PCDHGB2: variants seen among roughly 807,000 people sequenced by gnomAD.
The protein encoded by PCDHGB2 is protocadherin gamma subfamily B, 2, also known as protocadherin gamma-B2.
A neutral mutation model predicts 59.3 loss-of-function variants in PCDHGB2; 55 were observed. The observed-to-expected ratio is 0.93, with a 90% CI of 0.75 to 1.16. The LOEUF is 1.16. PCDHGB2 is among the 50% of genes most tolerant of loss of function. The probability of loss-of-function intolerance (pLI) is 0.00; values close to 1 mark genes in which losing one functional copy is unlikely to be tolerated. For synonymous variants in PCDHGB2, 516 were observed against 512.0 expected (o/e 1.01, Z -0.11); for missense variants, 1,228 against 1,198.5 (o/e 1.02, Z -0.36).
rs1761541281 is a variant in PCDHGB2 at position 141,360,332 on chromosome 5, T to C, written c.197T>C (p.Leu66Pro). The C allele has an allele frequency of 1.2e-6, 2 of 1,613,966 alleles. No homozygotes were observed. The highest frequency in any genetic ancestry group is 1.7e-6 in the Non-Finnish European group (2 of 1,179,882). The part of the protein sequence containing the change: ...LSVRDLPARK[L>P]RVSAEKEYFT... The stretch of plus-strand genomic sequence containing the variant: ...GTCCGGGACTTGCCAGCCCGGAAGC[T>C]GCGGGTTAGCGCGGAGAAGGAATAT... The change falls in exon 1 of 4, where the codon CTG becomes CCG. Residue 66 changes from leucine (L) to proline (P), a missense_variant. Physicochemically the swap from Leu to Pro is moderately conservative, Grantham distance 98. This residue lies in a region of PCDHGB2 where 781 missense variants were observed against 721.6 expected (regional missense o/e 1.08). Coordinates refer to ENST00000522605, the MANE Select transcript of PCDHGB2 (RefSeq NM_018923.3).
chr5:141,421,297 C>T (rs143092131), intron 1 of PCDHGB2: 106 of 1,613,512 alleles, frequency 6.6e-5, no homozygotes, highest in Non-Finnish European at 8.5e-5. Flanking sequence ...CCTGGGGACG[C>T]TGCGGGGGTT....
chr5:141,360,843 C>A lies in PCDHGB2; in HGVS notation c.708C>A (p.Asn236Lys). The A allele has an allele frequency of 6.2e-7, 1 of 1,613,956 alleles. No individual in the cohort carries two copies. The highest frequency in any genetic ancestry group is 8.5e-7 in the Non-Finnish European group (1 of 1,179,898). Residue 236 changes from asparagine to lysine, a missense_variant, in exon 1 of 4, where the codon AAC (asparagine) becomes AAA (lysine). Around this residue, in one of 3 missense-constraint regions of PCDHGB2, gnomAD observed 781 missense variants for 721.6 expected, o/e 1.08. Coordinates refer to ENST00000522605, the MANE Select transcript of PCDHGB2 (RefSeq NM_018923.3). ...TQIRIKVTDA[N>K]DNPPVFSQDV... ...TCCGAATCAAAGTCACGGATGCCAA[C>A]GATAACCCTCCAGTGTTCAGCCAGG... is the stretch of plus-strand genomic sequence containing the variant.
chr5:141,422,546 G>T, intron 1 of PCDHGB2: 2 of 1,613,972 alleles, frequency 1.2e-6, no homozygotes, highest in South Asian at 2.2e-5. Flanking sequence ...ACTCATGTCT[G>T]GCTGAATGTG....
Position 141,448,649 on chromosome 5 carries a change from T to C in PCDHGB2, c.2422-46158T>C, listed in dbSNP as rs181402439. 1.4e-3 allele frequency among the ~76,000 whole-genome samples: 218 copies of C among 152,220 alleles called. 1 individual carries two copies. Among genetic ancestry groups the C allele is most frequent in the African/African-American group, 5.0e-3 (206 of 41,530 alleles). On this transcript the variant is annotated intron_variant, in intron 1 of 3. Transcript: ENST00000522605. ...CTTCACATTATATCCTTTAAAAATA[T>C]TTCCATATTGGCCGGGCGCGGTGGC...
At chr5:141,388,668 C>T in intron 1 of PCDHGB2, 1 of 1,613,882 alleles carries the variant, frequency 6.2e-7, no homozygotes, top group Non-Finnish European at 8.5e-7. Context: ...GACCACGGTG[C>T]TACAGGTGAC....
At chr5:141,422,374 G>A (rs1268014814) in intron 1 of PCDHGB2, 1 of 1,570,452 alleles carries the variant, frequency 6.4e-7, no homozygotes, top group Non-Finnish European at 8.6e-7. Flanking sequence ...AAATGGTCAA[G>A]TCTCCTGTTT....
chr5:141,383,714 G>T (rs1561598272), intron 1 of PCDHGB2: 3 of 1,613,972 alleles, frequency 1.9e-6, no homozygotes, highest in Middle Eastern at 1.6e-4. Context: ...CTGGACGAGG[G>T]AGTCAATGGG....
chr5:141,398,692 AG>A, intron 1 of PCDHGB2: 1 of 1,613,942 alleles, frequency 6.2e-7, no homozygotes, highest in Non-Finnish European at 8.5e-7. Context: ...ACAGGATGGT[AG>A]TAAATACCCG....
rs1588634140 is a variant in PCDHGB2 at position 141,366,905 on chromosome 5, C to T, written c.2421+4349C>T. 3 of 1,162,942 alleles carry T rather than the reference C, an allele frequency of 2.6e-6. No individual in the cohort carries two copies. In the East Asian group the frequency reaches 7.6e-5, roughly 29 times the overall value. The allele number at this position is 1,162,942 out of a possible 1,614,324, so 72.0% of individuals were successfully genotyped here. ...TTTTTTTATATAATTCATGCTTTCT[C>T]CATTTGTTTTCAAATTCTGTTTTGG... On this transcript the variant is annotated intron_variant, in intron 1 of 3. Transcript: ENST00000522605.
At chr5:141,393,944 A>G (rs756691407) in intron 1 of PCDHGB2, 3 of 1,613,998 alleles carry the variant, frequency 1.9e-6, no homozygotes, top group South Asian at 1.1e-5. Flanking sequence ...AAGACTCTGG[A>G]AAGAATGGTC....
Position 141,489,242 on chromosome 5 carries a change from T to C in PCDHGB2, c.2422-5565T>C. ...TCTCCACAAAGGGACTTCTGGGTCA[T>C]GGGGCCCAAGACACTCCCACAGCTC... On this transcript the variant is annotated intron_variant, in intron 1 of 3. Transcript: ENST00000522605. This position sits in a 1 kb window ranked among gnomAD's most constrained non-coding sequence, Gnocchi z 4.5. 6.5e-7 allele frequency: 1 copy of C among 1,534,502 alleles called. No individual in the cohort carries two copies. The highest frequency in any genetic ancestry group is 8.8e-7 in the Non-Finnish European group (1 of 1,141,994).
chr5:141,395,448 T>C, intron 1 of PCDHGB2: 1 of 647,116 alleles, frequency 1.5e-6, no homozygotes, highest in Non-Finnish European at 2.5e-6. Flanking sequence ...GAAAAGATTG[T>C]TCAACCATTT....
chr5:141,436,973 T>C (rs1209787552), intron 1 of PCDHGB2, among the ~76,000 whole-genome samples: 1 of 152,234 alleles, frequency 6.6e-6, no homozygotes, highest in Non-Finnish European at 1.5e-5. Context: ...TTGTGAAACT[T>C]ATTTTAAAGA....
intron 1 of PCDHGB2, among the ~76,000 whole-genome samples, chr5:141,467,055 C>CTTTTTTTTTTTTTTTTTTT (rs1193465269): frequency 7.4e-6 from 1 of 134,498 alleles, no homozygotes; most frequent in Non-Finnish European, 1.6e-5. Context: ...TCAATGTTTT[C>CTTTTTTTTTTTTTTTTTTT]TTTTTTTTTT....
chr5:141,370,525 G>A, intron 1 of PCDHGB2: 2 of 1,613,874 alleles, frequency 1.2e-6, no homozygotes, highest in South Asian at 1.1e-5. Context: ...CTGGACAGGG[G>A]CTCGCTGGTA....
At chr5:141,389,169 C>T in intron 1 of PCDHGB2, 2 of 1,614,028 alleles carry the variant, frequency 1.2e-6, no homozygotes, top group Non-Finnish European at 1.7e-6. Context: ...GGGCAAGCCT[C>T]CCCTCTCCTC....
chr5:141,376,304 G>T, intron 1 of PCDHGB2: 1 of 1,614,218 alleles, frequency 6.2e-7, no homozygotes, highest in Non-Finnish European at 8.5e-7. Context: ...CTCGCACTTT[G>T]TGGGCGTGGA....
chr5:141,400,880 T>C (rs919340566), intron 1 of PCDHGB2, among the ~76,000 whole-genome samples: 1 of 152,276 alleles, frequency 6.6e-6, no homozygotes, highest in Non-Finnish European at 1.5e-5. Flanking sequence ...TTAAATTTAA[T>C]GTATGTAATC....
chr5:141,372,091 C>A, intron 1 of PCDHGB2: 2 of 1,613,774 alleles, frequency 1.2e-6, no homozygotes, highest in Non-Finnish European at 1.7e-6. Flanking sequence ...CTGTACCCAG[C>A]TCTGGGGCCC....
Sources: allele counts gnomAD v4.1 joint callset (sites outside exome capture counted in the v4.1 genomes callset), GRCh38; gene constraint gnomAD v4.1.1; regional missense constraint gnomAD v4.1.1; non-coding constraint Gnocchi (gnomAD v3.1); transcripts MANE v1.5; gene names NCBI Gene and HGNC (gene_info 2026-07-23, HGNC 2026-07-21).